Variants in CSMD1 observed in about 807,000 individuals in gnomAD.
The protein encoded by CSMD1 is CUB and Sushi multiple domains 1, also known as CUB and sushi domain-containing protein 1.
CSMD1 carries 213 observed loss-of-function variants against 417.5 expected under a neutral mutation model. That is an observed-to-expected ratio of 0.51 (90% CI 0.46 to 0.57). The LOEUF (loss-of-function observed/expected upper bound fraction) is 0.57, where lower values mean the gene tolerates loss of function less well. CSMD1 is among the 20% of genes least tolerant of loss of function. The pLI is 0.00. For synonymous variants in CSMD1, 2,862 were observed against 1,736.8 expected (o/e 1.65, Z -16.11); for missense variants, 6,923 against 4,529.7 (o/e 1.53, Z -15.17).
At chr8:4,073,786 T>C (rs1489745076) in intron 3 of CSMD1, among the ~76,000 whole-genome samples, 1 of 152,132 alleles carries the variant, frequency 6.6e-6, no homozygotes, top group Non-Finnish European at 1.5e-5. Flanking sequence ...ATACAAAATT[T>C]TGCTAAATTA....
At chr8:3,702,646 C>T (rs1196022600) in intron 7 of CSMD1, among the ~76,000 whole-genome samples, 2 of 152,216 alleles carry the variant, frequency 1.3e-5, no homozygotes, top group East Asian at 1.9e-4. Context: ...GCTTTTCCAA[C>T]ATGGTGAAAC....
chr8:4,137,479 T>A (rs1714803), intron 3 of CSMD1, among the ~76,000 whole-genome samples: 33,237 of 129,040 alleles, frequency 0.26, 11,097 homozygotes, highest in Non-Finnish European at 0.37. Context: ...TAATTTTCAC[T>A]ACAGAATATA....
At chr8:4,050,005 C>A (rs965572835) in intron 3 of CSMD1, among the ~76,000 whole-genome samples, 5 of 152,166 alleles carry the variant, frequency 3.3e-5, no homozygotes, top group Non-Finnish European at 1.5e-5. Context: ...GTTTTAAGGG[C>A]CTTGATGGTT....
chr8:3,287,769 C>G (rs932564578), intron 25 of CSMD1, among the ~76,000 whole-genome samples: 43 of 152,090 alleles, frequency 2.8e-4, no homozygotes, highest in African/African-American at 1.0e-3. Context: ...TTGACTTCCT[C>G]TTTTCCTAAT....
chr8:3,679,621 A>T (rs1585064048), intron 7 of CSMD1, among the ~76,000 whole-genome samples: 1 of 152,278 alleles, frequency 6.6e-6, no homozygotes, highest in East Asian at 1.9e-4. Context: ...CATCAGACAG[A>T]TCAACAAGAC....
chr8:4,446,825 C>G, intron 2 of CSMD1, among the ~76,000 whole-genome samples: 1 of 149,022 alleles, frequency 6.7e-6, no homozygotes. Flanking sequence ...TTTTCTCCAT[C>G]TTGGCCAGAC....
intron 1 of CSMD1, among the ~76,000 whole-genome samples, chr8:4,761,175 T>C (rs1812017767): frequency 6.6e-6 from 1 of 152,062 alleles, no homozygotes; most frequent in Non-Finnish European, 1.5e-5. Context: ...GAAAGCGAAA[T>C]CTAAGGGACT....
intron 2 of CSMD1, among the ~76,000 whole-genome samples, chr8:4,554,636 A>G (rs1798011501): frequency 6.6e-6 from 1 of 152,214 alleles, no homozygotes; most frequent in Non-Finnish European, 1.5e-5. Flanking sequence ...CTTATTGCTA[A>G]GTTGCCATAG....
intron 1 of CSMD1, among the ~76,000 whole-genome samples, chr8:4,976,474 A>G (rs1810566643): frequency 2.0e-5 from 3 of 152,202 alleles, no homozygotes; most frequent in African/African-American, 4.8e-5. Context: ...CTGACTTCAC[A>G]ATGCTCCTAT....
chr8:4,895,565 C>G (rs1804428742), intron 1 of CSMD1, among the ~76,000 whole-genome samples: 2 of 151,996 alleles, frequency 1.3e-5, no homozygotes, highest in Admixed American at 1.3e-4. Context: ...AGAAATTTTG[C>G]TGATTCAAAG....
At chr8:4,216,715 G>A (rs935031269) in intron 3 of CSMD1, among the ~76,000 whole-genome samples, 4 of 152,030 alleles carry the variant, frequency 2.6e-5, no homozygotes, top group Admixed American at 2.0e-4. Flanking sequence ...TAGGAGGAGG[G>A]GGTATAAACG....
Position 4,695,058 on chromosome 8 carries a change from G to A in CSMD1, c.86-57500C>T, listed in dbSNP as rs1400247616. On this transcript the variant is annotated intron_variant, in intron 1 of 69. Transcript: ENST00000635120. ...GTCATCTTCCCCCTTCCCCCTTATG[G>A]GAATGTTCTTAACTAACCAAGCTGG... 3.3e-5 allele frequency among the ~76,000 whole-genome samples: 5 copies of A among 151,752 alleles called. No homozygotes were observed. In the South Asian group the frequency reaches 1.0e-3, roughly 32 times the overall value.
At chr8:3,709,353 C>T (rs1272194567) in intron 6 of CSMD1, among the ~76,000 whole-genome samples, 1 of 152,150 alleles carries the variant, frequency 6.6e-6, no homozygotes, top group East Asian at 1.9e-4. Context: ...TTGCTTACAA[C>T]AGGGTGGCCC....
chr8:4,841,838 G>T (rs576299263), intron 1 of CSMD1, among the ~76,000 whole-genome samples: 31 of 146,262 alleles, frequency 2.1e-4, no homozygotes, highest in African/African-American at 7.0e-4. Flanking sequence ...TTGAACCTGG[G>T]AGGTGGAGGT....
intron 3 of CSMD1, among the ~76,000 whole-genome samples, chr8:4,395,901 G>C (rs904771651): frequency 2.6e-5 from 4 of 151,988 alleles, no homozygotes; most frequent in African/African-American, 7.3e-5. Context: ...ACACATATAA[G>C]TGTAATTGTA....
chr8:4,068,769 G>C (rs1038463158), intron 3 of CSMD1, among the ~76,000 whole-genome samples: 2 of 152,104 alleles, frequency 1.3e-5, no homozygotes, highest in Non-Finnish European at 2.9e-5. Flanking sequence ...ATGATTTTCT[G>C]AACAGATTAG....
intron 3 of CSMD1, among the ~76,000 whole-genome samples, chr8:4,087,235 A>T (rs1722759089): frequency 6.6e-6 from 1 of 152,166 alleles, no homozygotes; most frequent in African/African-American, 2.4e-5. Context: ...GGAACGGCTA[A>T]GTCCACCATG....
chr8:3,761,650 C>T (rs926210132), intron 5 of CSMD1, among the ~76,000 whole-genome samples: 1 of 151,934 alleles, frequency 6.6e-6, no homozygotes, highest in African/African-American at 2.4e-5. Context: ...GGATTATAGG[C>T]ACAAACCACC....
intron 2 of CSMD1, among the ~76,000 whole-genome samples, chr8:4,496,643 C>G (rs1370097436): frequency 6.6e-6 from 1 of 152,114 alleles, no homozygotes; most frequent in Non-Finnish European, 1.5e-5. Flanking sequence ...TGTCTCATAG[C>G]TCCTTTTGGT....
Sources: gnomAD v4.1 joint callset for allele counts (sites outside exome capture counted in the v4.1 genomes callset) on GRCh38, gnomAD v4.1.1 for gene constraint, MANE v1.5 for transcripts, NCBI Gene and HGNC (gene_info 2026-07-23, HGNC 2026-07-21) for gene names.